The following HNRNPC variants were observed in gnomAD, a reference collection of about 807,000 sequenced individuals.
HNRNPC encodes heterogeneous nuclear ribonucleoprotein C.
HNRNPC carries 3 observed loss-of-function variants against 33.2 expected under a neutral mutation model. The observed-to-expected ratio is 0.09, with a 90% CI of 0.04 to 0.23. HNRNPC has a LOEUF of 0.23. HNRNPC is among the 10% of genes least tolerant of loss of function. HNRNPC has a pLI of 1.00. For synonymous variants in HNRNPC, 121 were observed against 126.7 expected (o/e 0.96, Z 0.30); for missense variants, 143 against 366.7 (o/e 0.39, Z 4.98).
intron 3 of HNRNPC, among the ~76,000 whole-genome samples, chr14:21,233,374 C>T (rs1894327714): frequency 6.6e-6 from 1 of 152,086 alleles, no homozygotes; most frequent in African/African-American, 2.4e-5. Context: ...ATCATCTTAA[C>T]TTTGTAAAAA....
intron 5 of HNRNPC, among the ~76,000 whole-genome samples, chr14:21,229,512 C>A (rs776737364): frequency 1.7e-4 from 26 of 152,088 alleles, no homozygotes; most frequent in Non-Finnish European, 3.4e-4. Flanking sequence ...CCTTTTCGGG[C>A]CTTACTCTTC....
rs1594188685 is a variant in HNRNPC at position 21,211,745 on chromosome 14, T to C, written c.637+65A>G. On this transcript the variant is annotated intron_variant, in intron 7 of 8. Coordinates refer to ENST00000553300, the MANE Select transcript of HNRNPC (RefSeq NM_004500.4). ...CTTTATATTCCACTATTCCAACATG[T>C]ACTTTCAAGTGCCTTATGTAACTAA... The C allele has an allele frequency of 4.8e-5, 70 of 1,470,986 alleles. No individual in the cohort carries two copies. In the East Asian group the frequency reaches 1.6e-3, roughly 33 times the overall value. 91.1% of individuals were successfully genotyped at this position (1,470,986 alleles called of 1,614,324 possible).
chr14:21,218,937 C>T (rs1353259361), intron 5 of HNRNPC, among the ~76,000 whole-genome samples: 1 of 151,196 alleles, frequency 6.6e-6, no homozygotes, highest in South Asian at 2.1e-4. Flanking sequence ...TGATGAAACC[C>T]CATCTCTACT....
chr14:21,233,461 T>G (rs1261895325), intron 3 of HNRNPC, among the ~76,000 whole-genome samples: 1 of 152,178 alleles, frequency 6.6e-6, no homozygotes, highest in East Asian at 1.9e-4. Context: ...CTAGTACAAC[T>G]AATAAAATAA....
At chr14:21,265,504 T>G (rs1878825604) in intron 1 of HNRNPC, 2 of 152,214 alleles carry the variant, frequency 1.3e-5, no homozygotes. Flanking sequence ...TTAGCACCAT[T>G]TTCAATCAAG....
intron 2 of HNRNPC, among the ~76,000 whole-genome samples, chr14:21,252,926 AGC>A (rs1896825922): frequency 1.3e-5 from 2 of 152,208 alleles, no homozygotes; most frequent in Non-Finnish European, 2.9e-5. Context: ...CTGTAATCCC[AGC>A]ACTTTGGGAG....
chr14:21,229,800 A>T (rs1004257873), intron 5 of HNRNPC, among the ~76,000 whole-genome samples: 1 of 152,240 alleles, frequency 6.6e-6, no homozygotes. Flanking sequence ...AATAGTATAT[A>T]AAGTAATATG....
At position 21,242,164 on chromosome 14, in the gene HNRNPC, A is replaced by G. The variant is rs541431182; in HGVS notation, c.-36-7935T>C. Among the ~76,000 whole-genome samples the G allele has an allele frequency of 3.7e-4, 57 of 152,290 alleles. 1 individual carries two copies. Among genetic ancestry groups the G allele is most frequent in the Non-Finnish European group, 4.7e-4 (32 of 68,030 alleles). On this transcript the variant is annotated intron_variant, in intron 2 of 8. Transcript: ENST00000553300. ...AATGGCAGGAAATCCAAACAAATGG[A>G]TCATAAATATAATCATATATAATAA...
At chr14:21,222,384 GTT>G (rs1223408739) in intron 5 of HNRNPC, among the ~76,000 whole-genome samples, 161 of 150,284 alleles carry the variant, frequency 1.1e-3, no homozygotes, top group Middle Eastern at 6.8e-3. Context: ...ATTTGTTTTT[GTT>G]TTTTTTTCCT....
At chr14:21,214,122 C>G (rs1186583716) in intron 5 of HNRNPC, among the ~76,000 whole-genome samples, 2 of 151,936 alleles carry the variant, frequency 1.3e-5, no homozygotes, top group Non-Finnish European at 2.9e-5. Flanking sequence ...GTCTTCAATT[C>G]TGCAAGCTTT....
Position 21,210,226 on chromosome 14 carries a change from C to G in HNRNPC, c.*997G>C, listed in dbSNP as rs1891466095. 6.6e-6 allele frequency: 1 copy of G among 152,086 alleles called. No individual in the cohort carries two copies. Among genetic ancestry groups the G allele is most frequent in the South Asian group, 2.1e-4 (1 of 4,812 alleles). The allele number at this position is 152,086 out of a possible 1,614,324, so 9.4% of individuals were successfully genotyped here. ...AGCCTCTCCTATTTAAGGACAAAACCATTTAGCACAAAACACAAACCTCAG... is the reference window on the plus strand; with the variant it reads ...AGCCTCTCCTATTTAAGGACAAAACGATTTAGCACAAAACACAAACCTCAG... On this transcript the variant is annotated 3_prime_UTR_variant, in exon 9 of 9. Coordinates refer to ENST00000553300, the MANE Select transcript of HNRNPC (RefSeq NM_004500.4).
intron 2 of HNRNPC, among the ~76,000 whole-genome samples, chr14:21,261,271 T>C (rs1305298349): frequency 6.6e-6 from 1 of 152,106 alleles, no homozygotes; most frequent in Non-Finnish European, 1.5e-5. Context: ...AAACACAACA[T>C]GTCCCATAAA....
chr14:21,244,657 T>C (rs1373816367), intron 2 of HNRNPC, among the ~76,000 whole-genome samples: 1 of 152,204 alleles, frequency 6.6e-6, no homozygotes, highest in Non-Finnish European at 1.5e-5. Context: ...GGGAAATGCA[T>C]GAGAATTGTA....
At chr14:21,255,791 C>T (rs1262287100) in intron 2 of HNRNPC, among the ~76,000 whole-genome samples, 1 of 152,030 alleles carries the variant, frequency 6.6e-6, no homozygotes, top group Non-Finnish European at 1.5e-5. Context: ...TATGTCTTTA[C>T]ATAGAAAAAA....
At chr14:21,237,542 C>T (rs1894838459) in intron 2 of HNRNPC, among the ~76,000 whole-genome samples, 1 of 152,192 alleles carries the variant, frequency 6.6e-6, no homozygotes, top group African/African-American at 2.4e-5. Context: ...GTCAAGACTA[C>T]CTCGTCCTAC....
chr14:21,260,272 C>G lies in HNRNPC; in HGVS notation c.-37+3039G>C, dbSNP rs113208309. Among the ~76,000 whole-genome samples the G allele has an allele frequency of 4.6e-4, 66 of 144,424 alleles. 1 individual carries two copies. The highest frequency in any genetic ancestry group is 1.6e-3 in the African/African-American group (62 of 38,626). The allele number at this position is 144,424 out of a possible 152,430, so 94.7% of individuals were successfully genotyped here. On this transcript the variant is annotated intron_variant, in intron 2 of 8. Coordinates refer to ENST00000553300, the MANE Select transcript of HNRNPC (RefSeq NM_004500.4). ...ATCCCAGGTACTCGGGAGGCTGAGA[C>G]AGAGAACTGCTTGAAACCAGGAGGC... is the stretch of plus-strand genomic sequence containing the variant.
chr14:21,241,344 A>T (rs143929805), intron 2 of HNRNPC, among the ~76,000 whole-genome samples: 14 of 152,104 alleles, frequency 9.2e-5, no homozygotes, highest in Admixed American at 2.0e-4. Context: ...TGCCAATTCT[A>T]TATACTAAAT....
chr14:21,238,501 T>C (rs112907969), intron 2 of HNRNPC, among the ~76,000 whole-genome samples: 1 of 152,202 alleles, frequency 6.6e-6, no homozygotes, highest in Non-Finnish European at 1.5e-5. Flanking sequence ...ACAATGTACA[T>C]ACAAGCTTGG....
chr14:21,256,757 C>A (rs773432481), intron 2 of HNRNPC, among the ~76,000 whole-genome samples: 1 of 151,906 alleles, frequency 6.6e-6, no homozygotes, highest in African/African-American at 2.4e-5. Context: ...TGGGCTCAAG[C>A]GATTCTCATG....
Sources: allele counts gnomAD v4.1 joint callset (sites outside exome capture counted in the v4.1 genomes callset), GRCh38; gene constraint gnomAD v4.1.1; transcripts MANE v1.5; gene names NCBI Gene and HGNC (gene_info 2026-07-23, HGNC 2026-07-21).